Variants in ACCSL observed in about 807,000 individuals in gnomAD.
The protein encoded by ACCSL is probable inactive 1-aminocyclopropane-1-carboxylate synthase-like protein 2.
ACCSL carries 55 observed loss-of-function variants against 61.7 expected under a neutral mutation model. That is an observed-to-expected ratio of 0.89 (90% confidence interval 0.72 to 1.12). ACCSL has a LOEUF of 1.12. ACCSL is among the 50% of genes most tolerant of loss of function. The pLI is 0.00. For missense variants in ACCSL, 632 were observed against 698.0 expected (o/e 0.91, Z 1.07); for synonymous variants, 258 against 264.3 (o/e 0.98, Z 0.23).
chr11:44,048,686 T>A, intron 1 of ACCSL, 146 bp downstream of exon 1: 1 of 857,028 alleles, frequency 1.2e-6, no homozygotes, highest in Non-Finnish European at 1.8e-6. Flanking sequence ...GATAAGGGAA[T>A]AATTACAGAA....
the ACCSL span, among the ~76,000 whole-genome samples, chr11:43,953,793 C>T: frequency 6.6e-6 from 1 of 152,096 alleles, no homozygotes; most frequent in Non-Finnish European, 1.5e-5. Flanking sequence ...ACTAATTCAC[C>T]CCTTGTTTAG....
the ACCSL span, among the ~76,000 whole-genome samples, chr11:43,942,097 G>T: frequency 0.54 from 80,647 of 150,440 alleles, 21,936 homozygotes; most frequent in East Asian, 0.71. Context: ...CCTGCGGAGG[G>T]GGGTGGCAAG....
At chr11:43,961,258 T>C in the ACCSL span, among the ~76,000 whole-genome samples, 1 of 152,222 alleles carries the variant, frequency 6.6e-6, no homozygotes, top group East Asian at 1.9e-4. Flanking sequence ...AGATATGGTG[T>C]GCTTACTCTT....
chr11:43,938,956 G>A, the ACCSL span, among the ~76,000 whole-genome samples: 663 of 152,344 alleles, frequency 4.4e-3, 5 homozygotes, highest in Non-Finnish European at 6.5e-3. Flanking sequence ...CTTTGAGAGA[G>A]GCTCTGAGCC....
the ACCSL span, among the ~76,000 whole-genome samples, chr11:43,964,856 T>C: frequency 0.4 from 60,359 of 151,642 alleles, 12,968 homozygotes; most frequent in East Asian, 0.6. Flanking sequence ...AGGAACTTCT[T>C]AATTGATGCA....
the ACCSL span, chr11:43,943,040 C>T: frequency 4.0e-6 from 6 of 1,497,774 alleles, no homozygotes; most frequent in East Asian, 2.8e-5. This position sits in a 1 kb window ranked among gnomAD's most constrained non-coding sequence, Gnocchi z 4.8. Flanking sequence ...GGGCCGGCTG[C>T]GGCGGCCGCG....
the ACCSL span, among the ~76,000 whole-genome samples, chr11:44,030,329 T>C: frequency 6.6e-6 from 1 of 151,762 alleles, no homozygotes; most frequent in Non-Finnish European, 1.5e-5. Context: ...AAACCCCAGA[T>C]TGTAGAGCCC....
the ACCSL span, among the ~76,000 whole-genome samples, chr11:43,929,042 T>C: frequency 6.6e-6 from 1 of 152,228 alleles, no homozygotes; most frequent in African/African-American, 2.4e-5. Context: ...TTCCAGCTCC[T>C]CCACTGACTG....
At chr11:43,986,443 C>T in the ACCSL span, among the ~76,000 whole-genome samples, 9 of 152,144 alleles carry the variant, frequency 5.9e-5, no homozygotes, top group South Asian at 1.0e-3. Flanking sequence ...ATGCTGGTCA[C>T]GAAGCCCTGG....
the ACCSL span, among the ~76,000 whole-genome samples, chr11:44,016,919 G>A: frequency 6.6e-6 from 1 of 152,132 alleles, no homozygotes; most frequent in Non-Finnish European, 1.5e-5. Flanking sequence ...CTCTTATAGA[G>A]ACCCCTCCAG....
At chr11:43,983,336 A>G in the ACCSL span, among the ~76,000 whole-genome samples, 55,848 of 152,140 alleles carry the variant, frequency 0.37, 11,163 homozygotes, top group Middle Eastern at 0.46. Context: ...TTAAGGAAAA[A>G]GAATTATTTT....
chr11:43,953,697 C>T, the ACCSL span, among the ~76,000 whole-genome samples: 1 of 152,018 alleles, frequency 6.6e-6, no homozygotes, highest in Non-Finnish European at 1.5e-5. Context: ...ATGCCATGGC[C>T]ATGTCAGGAA....
At chr11:43,972,079 A>G in the ACCSL span, among the ~76,000 whole-genome samples, 1 of 152,206 alleles carries the variant, frequency 6.6e-6, no homozygotes, top group African/African-American at 2.4e-5. Flanking sequence ...CTGACATACA[A>G]TGGGCACTCA....
At chr11:44,050,720 CCTAT>C in intron 3 of ACCSL, 98 bp downstream of exon 3, 1 of 1,121,944 alleles carries the variant, frequency 8.9e-7, no homozygotes, top group Non-Finnish European at 1.3e-6. Flanking sequence ...TGGTTACCTC[CCTAT>C]CTCTTTGGGT....
chr11:44,016,426 T>C, the ACCSL span, among the ~76,000 whole-genome samples: 1 of 152,144 alleles, frequency 6.6e-6, no homozygotes, highest in African/African-American at 2.4e-5. Context: ...CGAGCAGATA[T>C]TCTGGAGATG....
the ACCSL span, chr11:43,933,438 C>T: frequency 4.1e-6 from 1 of 245,176 alleles, no homozygotes; most frequent in Non-Finnish European, 8.4e-6. Flanking sequence ...GGTCTTGTTC[C>T]CTCCCCTCTC....
At chr11:43,966,097 AAAATAGAT>A in the ACCSL span, among the ~76,000 whole-genome samples, 1 of 152,238 alleles carries the variant, frequency 6.6e-6, no homozygotes, top group African/African-American at 2.4e-5. Flanking sequence ...ACTAAAGAAA[AAAATAGAT>A]AAATAGATAA....
the ACCSL span, among the ~76,000 whole-genome samples, chr11:44,019,024 T>C: frequency 6.6e-6 from 1 of 152,224 alleles, no homozygotes; most frequent in South Asian, 2.1e-4. Context: ...TTGACTCTTC[T>C]AGGCATATCA....
At chr11:44,053,680 G>T (rs112437036) in intron 8 of ACCSL, among the ~76,000 whole-genome samples, 174 bp downstream of exon 8, 7,908 of 152,130 alleles carry the variant, frequency 0.052, 677 homozygotes, top group African/African-American at 0.18. Flanking sequence ...TGGCCAACAG[G>T]GTGAAACCTT....
Sources: allele counts gnomAD v4.1 joint callset (sites outside exome capture counted in the v4.1 genomes callset), GRCh38; gene constraint gnomAD v4.1.1; non-coding constraint Gnocchi (gnomAD v3.1); transcripts MANE v1.5; gene names NCBI Gene and HGNC (gene_info 2026-07-23, HGNC 2026-07-21).